IFI27L1: variants seen among roughly 807,000 people sequenced by gnomAD.
IFI27L1 encodes interferon alpha-inducible protein 27-like protein 1.
Under a neutral mutation model 9.2 loss-of-function variants are expected in IFI27L1, and 3 were observed. That is an observed-to-expected ratio of 0.32 (90% confidence interval 0.15 to 0.84). The LOEUF (loss-of-function observed/expected upper bound fraction) is 0.84. Ranked by LOEUF, IFI27L1 falls within the 40% of genes least tolerant of loss-of-function variation. The pLI is 0.56. For missense variants in IFI27L1, 133 were observed against 134.2 expected (o/e 0.99, Z 0.05); for synonymous variants, 53 against 50.0 (o/e 1.06, Z -0.26).
At chr14:94,088,312 T>C (rs1227233132) in intron 1 of IFI27L1, 1 of 702,244 alleles carries the variant, frequency 1.4e-6, no homozygotes, top group Non-Finnish European at 2.6e-6. Flanking sequence ...AGGTAAGTTT[T>C]CATTTTACTG....
intron 2 of IFI27L1, among the ~76,000 whole-genome samples, chr14:94,099,564 C>T (rs750602625): frequency 1.3e-5 from 2 of 152,074 alleles, no homozygotes; most frequent in African/African-American, 4.8e-5. Flanking sequence ...GAGGACCCTC[C>T]CTGAGAGGCT....
chr14:94,093,103 T>C (rs534447483), intron 1 of IFI27L1, among the ~76,000 whole-genome samples: 1 of 152,232 alleles, frequency 6.6e-6, no homozygotes, highest in East Asian at 1.9e-4. Context: ...CAAAATGCCC[T>C]TCTTGGAGAT....
intron 2 of IFI27L1, among the ~76,000 whole-genome samples, chr14:94,099,262 G>A (rs1377144372): frequency 6.6e-6 from 1 of 152,204 alleles, no homozygotes; most frequent in Non-Finnish European, 1.5e-5. Context: ...GAAGTGGGAG[G>A]GCAAGGGAAT....
At chr14:94,096,373 C>T (rs573693934) in intron 1 of IFI27L1, among the ~76,000 whole-genome samples, 3 of 152,256 alleles carry the variant, frequency 2.0e-5, no homozygotes, top group Admixed American at 6.5e-5. Context: ...AATGCTGCTA[C>T]GAACATGGGT....
At chr14:94,085,902 A>G (rs1161193110) in intron 1 of IFI27L1, among the ~76,000 whole-genome samples, 1 of 152,212 alleles carries the variant, frequency 6.6e-6, no homozygotes, top group Non-Finnish European at 1.5e-5. Context: ...TGGTATTTTC[A>G]TTTATTGTAA....
intron 1 of IFI27L1, among the ~76,000 whole-genome samples, chr14:94,089,979 A>ACATTGAGTAAGCT (rs1886415969): frequency 6.6e-6 from 1 of 152,226 alleles, no homozygotes; most frequent in South Asian, 2.1e-4. Flanking sequence ...ATTTAAGAAA[A>ACATTGAGTAAGCT]CATTGAGTAA....
chr14:94,086,014 C>A (rs565042985), intron 1 of IFI27L1, among the ~76,000 whole-genome samples: 2 of 152,288 alleles, frequency 1.3e-5, no homozygotes, highest in East Asian at 1.9e-4. Context: ...TTTGTCCCCA[C>A]CCAAATCTCA....
Position 94,102,513 on chromosome 14 carries a change from G to A in IFI27L1, c.260G>A (p.Gly87Glu). The stretch of plus-strand genomic sequence containing the variant: ...CTCTCTGTGACATCTAAAGTTATCG[G>A]GGGCTTTGCTGGGACAGCTCTTGGG... ...AGLSVTSKVIGGFAGTALGAW... is the reference protein window; with the variant it reads ...AGLSVTSKVIEGFAGTALGAW... Residue 87 changes from glycine (G) to glutamate (E), a missense_variant, in exon 5 of 5, where the codon GGG becomes GAG. By Grantham distance (98) the Gly-to-Glu change is moderately conservative. Coordinates refer to ENST00000555523, the MANE Select transcript of IFI27L1 (RefSeq NM_206949.3). The A allele has an allele frequency of 6.3e-7, 1 of 1,594,526 alleles. No individual in the cohort carries two copies. Among genetic ancestry groups the A allele is most frequent in the Non-Finnish European group, 8.5e-7 (1 of 1,169,816 alleles).
chr14:94,101,460 G>C, intron 3 of IFI27L1: 1 of 318,420 alleles, frequency 3.1e-6, no homozygotes, highest in Non-Finnish European at 5.8e-6. Context: ...ATTGTCTTCT[G>C]TCAACCTTTT....
intron 1 of IFI27L1, among the ~76,000 whole-genome samples, chr14:94,093,554 A>T (rs1480387133): frequency 6.6e-6 from 1 of 152,144 alleles, no homozygotes; most frequent in East Asian, 1.9e-4. Flanking sequence ...GAAACATTCT[A>T]CACTAGCTGA....
chr14:94,082,752 G>A (rs992565574), intron 1 of IFI27L1, among the ~76,000 whole-genome samples: 25 of 152,276 alleles, frequency 1.6e-4, no homozygotes, highest in African/African-American at 5.8e-4. Context: ...CACTGTTGAG[G>A]CCTACTGCTC....
intron 1 of IFI27L1, among the ~76,000 whole-genome samples, chr14:94,093,128 ATCC>A (rs1382069097): frequency 6.6e-6 from 1 of 150,738 alleles, no homozygotes; most frequent in Non-Finnish European, 1.5e-5. Flanking sequence ...GGAATTCAAA[ATCC>A]TCCTTTTCAT....
At chr14:94,100,506 G>T (rs1388855183) in intron 2 of IFI27L1, 1 of 985,322 alleles carries the variant, frequency 1.0e-6, no homozygotes, top group African/African-American at 1.7e-5. Flanking sequence ...CTGGGCAGAG[G>T]AGACAGGTGA....
intron 1 of IFI27L1, among the ~76,000 whole-genome samples, chr14:94,082,571 C>T (rs1467664908): frequency 2.0e-5 from 3 of 152,238 alleles, no homozygotes; most frequent in African/African-American, 7.2e-5. Context: ...GAGGCTAATG[C>T]AGCTAGTGAC....
chr14:94,097,115 G>T, intron 2 of IFI27L1, 150 bp downstream of exon 2: 1 of 646,276 alleles, frequency 1.5e-6, no homozygotes, highest in South Asian at 2.6e-5. Context: ...TGAATGACGG[G>T]ATTTTTAAAT....
At chr14:94,085,538 A>AC (rs1330760058) in intron 1 of IFI27L1, among the ~76,000 whole-genome samples, 1 of 152,174 alleles carries the variant, frequency 6.6e-6, no homozygotes, top group African/African-American at 2.4e-5. Context: ...GTTGGGGGAA[A>AC]ACACATTTCG....
At chr14:94,097,002 T>C in intron 2 of IFI27L1, 37 bp downstream of exon 2, 1 of 1,577,028 alleles carries the variant, frequency 6.3e-7, no homozygotes, top group Non-Finnish European at 8.7e-7. Context: ...CTGCTGGTCC[T>C]TCCGAGGTGA....
chr14:94,084,391 A>G (rs1255940188), intron 1 of IFI27L1, among the ~76,000 whole-genome samples: 4 of 152,158 alleles, frequency 2.6e-5, no homozygotes, highest in Admixed American at 6.5e-5. Context: ...AGTCCCAGCT[A>G]CTTAGGGGGC....
At chr14:94,099,825 T>C (rs533762438) in intron 2 of IFI27L1, among the ~76,000 whole-genome samples, 1 of 138,534 alleles carries the variant, frequency 7.2e-6, no homozygotes, top group East Asian at 2.4e-4. Flanking sequence ...GGGTACCATT[T>C]TGTTATTAAC....
Sources: gnomAD v4.1 joint callset for allele counts (sites outside exome capture counted in the v4.1 genomes callset) on GRCh38, gnomAD v4.1.1 for gene constraint, MANE v1.5 for transcripts, NCBI Gene and HGNC (gene_info 2026-07-23, HGNC 2026-07-21) for gene names.